KCNQ5: variants seen among roughly 807,000 people sequenced by gnomAD.
KCNQ5 encodes the protein potassium voltage-gated channel subfamily KQT member 5.
A neutral mutation model predicts 98.2 loss-of-function variants in KCNQ5; 30 were observed. The observed-to-expected ratio is 0.31, with a 90% confidence interval of 0.23 to 0.41. KCNQ5 has a LOEUF of 0.41. KCNQ5 is among the 10% of genes least tolerant of loss of function. The pLI is 1.00. For synonymous variants in KCNQ5, 458 were observed against 449.4 expected (o/e 1.02, Z -0.24); for missense variants, 835 against 1,182.5 (o/e 0.71, Z 4.31).
In KCNQ5 at chr6:72,956,898, C is replaced by A. The variant is rs187192490; in HGVS notation, c.399-47010C>A. On this transcript the variant is annotated intron_variant, in intron 1 of 13. Transcript: ENST00000370398. ...ACTGGTTTAAGTTATGTTAGGCAAT[C>A]TGAATGTATAATAGAGTTACTGTTA... Among the ~76,000 whole-genome samples the A allele has an allele frequency of 2.0e-5, 3 of 152,046 alleles. No individual in the cohort carries two copies. In the East Asian group the frequency reaches 5.8e-4, roughly 29 times the overall value.
chr6:72,796,634 A>T lies in KCNQ5; in HGVS notation c.398+174047A>T, dbSNP rs117555359. 4.6e-5 allele frequency among the ~76,000 whole-genome samples: 7 copies of T among 152,320 alleles called. No individual in the cohort carries two copies. In the East Asian group the frequency reaches 1.2e-3, roughly 25 times the overall value. On this transcript the variant is annotated intron_variant, in intron 1 of 13. Coordinates refer to ENST00000370398, the MANE Select transcript of KCNQ5 (RefSeq NM_019842.4). ...TCTCCAACATTATAAGGCCCTCTAC[A>T]TAGCATGCTATCCAGTGCTAGTGGC...
At chr6:72,815,309 A>C (rs1775454332) in intron 1 of KCNQ5, among the ~76,000 whole-genome samples, 1 of 152,200 alleles carries the variant, frequency 6.6e-6, no homozygotes, top group African/African-American at 2.4e-5. Context: ...TAAAAGGTTA[A>C]AATCAGATTT....
intron 1 of KCNQ5, among the ~76,000 whole-genome samples, chr6:72,936,318 T>G (rs1693416066): frequency 6.6e-6 from 1 of 152,244 alleles, no homozygotes; most frequent in Non-Finnish European, 1.5e-5. Context: ...TATTTTCTTG[T>G]GCCTGATCTA....
intron 12 of KCNQ5, among the ~76,000 whole-genome samples, chr6:73,191,378 T>C (rs1765583176): frequency 6.6e-6 from 1 of 152,186 alleles, no homozygotes; most frequent in Non-Finnish European, 1.5e-5. Context: ...ACTATCCTCC[T>C]AGTAGCATCT....
At chr6:72,927,148 A>G (rs1055153867) in intron 1 of KCNQ5, among the ~76,000 whole-genome samples, 2 of 152,188 alleles carry the variant, frequency 1.3e-5, no homozygotes, top group African/African-American at 2.4e-5. Flanking sequence ...CCACTGGGGC[A>G]TGAGGGGGAG....
chr6:72,835,520 TTCAC>T lies in KCNQ5; in HGVS notation c.399-168382_399-168379del, dbSNP rs1279846292. On this transcript the variant is annotated intron_variant, in intron 1 of 13. Transcript: ENST00000370398. ...GAATATATTTTTTCATCAATGAAAT[TTCAC>T]TCACTATTTTTATCATGAGTAGAGT... Among the ~76,000 whole-genome samples, 13 of 152,286 alleles carry T rather than the reference TTCAC, an allele frequency of 8.5e-5. No individual in the cohort carries two copies. The East Asian group carries it at 2.5e-3, about 29-fold the overall frequency.
At chr6:73,169,339 T>C (rs947124017) in intron 10 of KCNQ5, among the ~76,000 whole-genome samples, 2 of 152,178 alleles carry the variant, frequency 1.3e-5, no homozygotes, top group African/African-American at 4.8e-5. Context: ...GTCAGTGTCA[T>C]GGGATATGAG....
chr6:72,812,354 T>C (rs1775284848), intron 1 of KCNQ5, among the ~76,000 whole-genome samples: 1 of 152,216 alleles, frequency 6.6e-6, no homozygotes, highest in African/African-American at 2.4e-5. Context: ...CTGGTTTGAA[T>C]GCCTCTGACA....
In KCNQ5 at chr6:73,124,956, TATATATATATATATATATATATATACAC is replaced by T. The variant is rs1265690120; in HGVS notation, c.1247+446_1247+473del. Among the ~76,000 whole-genome samples, 69 of 9,636 alleles carry T rather than the reference TATATATATATATATATATATATATACAC, an allele frequency of 7.2e-3. 2 individuals carry two copies. Among genetic ancestry groups the T allele is most frequent in the African/African-American group, 0.023 (58 of 2,518 alleles). 6.3% of individuals were successfully genotyped at this position (9,636 alleles called of 152,430 possible). A position where few individuals can be genotyped will look rare whatever the true frequency, so the allele number is the denominator to read the frequency against. On this transcript the variant is annotated intron_variant, in intron 9 of 13. Coordinates refer to ENST00000370398, the MANE Select transcript of KCNQ5 (RefSeq NM_019842.4). ...GGAGTGATATATATATATATATATA[TATATATATATATATATATATATATACAC>T]ACACACACATATATATATCATATAC...
chr6:72,759,344 C>A (rs1772133349), intron 1 of KCNQ5, among the ~76,000 whole-genome samples: 1 of 152,222 alleles, frequency 6.6e-6, no homozygotes, highest in East Asian at 1.9e-4. Context: ...CTGTCTCTTT[C>A]CTCATCCAGT....
At chr6:72,815,349 T>C (rs1290546228) in intron 1 of KCNQ5, among the ~76,000 whole-genome samples, 1 of 152,142 alleles carries the variant, frequency 6.6e-6, no homozygotes, top group Non-Finnish European at 1.5e-5. Flanking sequence ...GGTGTAAAGT[T>C]CTATGTGGTA....
chr6:73,100,356 G>T (rs1774715363), intron 5 of KCNQ5, among the ~76,000 whole-genome samples: 1 of 152,112 alleles, frequency 6.6e-6, no homozygotes, highest in Non-Finnish European at 1.5e-5. Flanking sequence ...AAATGAAATT[G>T]AAACAAAGAA....
At chr6:72,803,221 G>A (rs1424019536) in intron 1 of KCNQ5, among the ~76,000 whole-genome samples, 2 of 152,164 alleles carry the variant, frequency 1.3e-5, no homozygotes, top group Non-Finnish European at 2.9e-5. Context: ...AGAGGGGCAT[G>A]CAATGCCACG....
At chr6:73,032,696 G>A (rs1434338727) in intron 2 of KCNQ5, among the ~76,000 whole-genome samples, 1 of 152,052 alleles carries the variant, frequency 6.6e-6, no homozygotes, top group East Asian at 1.9e-4. Flanking sequence ...CCAGTTCAAG[G>A]TACAGCAAGC....
chr6:73,016,694 C>T (rs1770363085), intron 2 of KCNQ5, among the ~76,000 whole-genome samples: 1 of 151,944 alleles, frequency 6.6e-6, no homozygotes, highest in Non-Finnish European at 1.5e-5. Context: ...GCATGAATAG[C>T]GAAAGGGCAT....
chr6:72,932,799 G>A (rs1765746733), intron 1 of KCNQ5, among the ~76,000 whole-genome samples: 1 of 152,124 alleles, frequency 6.6e-6, no homozygotes, highest in Admixed American at 6.5e-5. Flanking sequence ...ATTAAAGAGA[G>A]TTTTTGTAAT....
At chr6:72,841,664 G>A (rs35772553) in intron 1 of KCNQ5, among the ~76,000 whole-genome samples, 23,434 of 151,696 alleles carry the variant, frequency 0.15, 2,426 homozygotes, top group African/African-American at 0.3. Context: ...ATGTTATACC[G>A]GATTATTCCT....
At chr6:72,963,250 A>G (rs1767458661) in intron 1 of KCNQ5, among the ~76,000 whole-genome samples, 1 of 152,216 alleles carries the variant, frequency 6.6e-6, no homozygotes, top group African/African-American at 2.4e-5. Context: ...AAAGTAGAAC[A>G]TTATCCAATG....
intron 5 of KCNQ5, among the ~76,000 whole-genome samples, chr6:73,099,487 A>G (rs2150413363): frequency 6.6e-6 from 1 of 152,338 alleles, no homozygotes; most frequent in East Asian, 1.9e-4. Context: ...ATAAAAAAAG[A>G]TATCCCATGC....
Sources: gnomAD v4.1 joint callset for allele counts (sites outside exome capture counted in the v4.1 genomes callset) on GRCh38, gnomAD v4.1.1 for gene constraint, MANE v1.5 for transcripts, NCBI Gene and HGNC (gene_info 2026-07-23, HGNC 2026-07-21) for gene names.